The following ACTR3C variants were observed in gnomAD, a reference collection of about 807,000 sequenced individuals.
ACTR3C encodes the protein actin related protein 3C.
ACTR3C carries 18 observed loss-of-function variants against 26.3 expected under a neutral mutation model. That is an observed-to-expected ratio of 0.68 (90% CI 0.47 to 1.01). The LOEUF (loss-of-function observed/expected upper bound fraction) is 1.01, where lower values mean the gene tolerates loss of function less well. Ranked by LOEUF, ACTR3C falls within the 50% of genes least tolerant of loss-of-function variation. The pLI, the probability that ACTR3C is intolerant of heterozygous loss-of-function variation, is 0.00. For synonymous variants in ACTR3C, 55 were observed against 94.5 expected, an observed-to-expected ratio of 0.58 and a Z score of 2.42; for missense variants, 184 against 250.7, an observed-to-expected ratio of 0.73 and a Z score of 1.80.
chr7:150,212,795 G>T, the ACTR3C span, among the ~76,000 whole-genome samples: 1 of 152,186 alleles, frequency 6.6e-6, no homozygotes, highest in East Asian at 1.9e-4. Flanking sequence ...TGCTCAGATG[G>T]AGAAGATGAA....
chr7:150,180,705 G>T, the ACTR3C span, among the ~76,000 whole-genome samples: 2 of 149,072 alleles, frequency 1.3e-5, no homozygotes, highest in Non-Finnish European at 2.9e-5. Context: ...TAGAGACGGG[G>T]TTTCACGTGT....
chr7:149,969,228 T>C, the ACTR3C span, among the ~76,000 whole-genome samples: 146,089 of 151,948 alleles, frequency 0.96, 70,408 homozygotes, highest in Non-Finnish European at 0.99. Flanking sequence ...TGGGAAACAA[T>C]GCCATTGGAA....
At chr7:149,908,294 A>G in the ACTR3C span, among the ~76,000 whole-genome samples, 3 of 152,208 alleles carry the variant, frequency 2.0e-5, no homozygotes, top group Admixed American at 6.5e-5. Context: ...TGGCAGCCCA[A>G]GCACACTAAG....
the ACTR3C span, among the ~76,000 whole-genome samples, chr7:150,066,303 A>G: frequency 6.6e-6 from 1 of 152,242 alleles, no homozygotes; most frequent in Non-Finnish European, 1.5e-5. Flanking sequence ...TGAGCATCAG[A>G]GGCTCCACAT....
At chr7:150,083,746 C>T in the ACTR3C span, among the ~76,000 whole-genome samples, 2 of 152,172 alleles carry the variant, frequency 1.3e-5, no homozygotes, top group African/African-American at 2.4e-5. Context: ...TCCTTCATTG[C>T]TCCTTGCCCA....
the ACTR3C span, among the ~76,000 whole-genome samples, chr7:150,016,684 C>T: frequency 6.6e-6 from 1 of 152,044 alleles, no homozygotes. Context: ...GGAGGTATGA[C>T]CTTGGGTGGC....
chr7:150,113,748 T>C, the ACTR3C span, among the ~76,000 whole-genome samples: 1 of 152,226 alleles, frequency 6.6e-6, no homozygotes, highest in Non-Finnish European at 1.5e-5. Context: ...AATTTTTAAA[T>C]GCTTACTTTC....
chr7:150,151,895 T>G, the ACTR3C span, among the ~76,000 whole-genome samples: 1 of 138,288 alleles, frequency 7.2e-6, no homozygotes, highest in Non-Finnish European at 1.6e-5. Context: ...TAAAAAAAAT[T>G]TCCTCACCAG....
intron 6 of ACTR3C, among the ~76,000 whole-genome samples, chr7:150,249,629 G>A (rs1160725830): frequency 6.6e-6 from 1 of 151,920 alleles, no homozygotes; most frequent in African/African-American, 2.4e-5. Context: ...AATTTTCTGT[G>A]TTTTTAGTAG....
the ACTR3C span, among the ~76,000 whole-genome samples, chr7:150,224,795 T>C: frequency 2.0e-5 from 3 of 152,366 alleles, no homozygotes; most frequent in South Asian, 2.1e-4. Context: ...TTTGCATACA[T>C]TTTTAACATT....
chr7:149,959,819 T>C, the ACTR3C span, among the ~76,000 whole-genome samples: 1 of 152,206 alleles, frequency 6.6e-6, no homozygotes, highest in Non-Finnish European at 1.5e-5. Context: ...TTCATAAGAA[T>C]GTCCCCCTAA....
the ACTR3C span, among the ~76,000 whole-genome samples, chr7:150,112,998 T>C: frequency 6.6e-6 from 1 of 152,146 alleles, no homozygotes; most frequent in Admixed American, 6.5e-5. Flanking sequence ...TGCCATTTTA[T>C]TTATGCTGCA....
the ACTR3C span, among the ~76,000 whole-genome samples, chr7:150,207,891 G>T: frequency 1.3e-5 from 2 of 149,614 alleles, no homozygotes; most frequent in Non-Finnish European, 2.9e-5. Flanking sequence ...TACATTTTAG[G>T]CCCATTTTAT....
the ACTR3C span, among the ~76,000 whole-genome samples, chr7:150,104,650 T>C: frequency 6.6e-6 from 1 of 151,590 alleles, no homozygotes; most frequent in African/African-American, 2.4e-5. Context: ...GAATGAGACA[T>C]TGGATTTACT....
At chr7:149,930,333 G>T in the ACTR3C span, among the ~76,000 whole-genome samples, 2 of 152,144 alleles carry the variant, frequency 1.3e-5, no homozygotes, top group African/African-American at 4.8e-5. Context: ...GATATAAAAG[G>T]ATATGATCTC....
At chr7:150,163,887 G>A in the ACTR3C span, among the ~76,000 whole-genome samples, 3 of 152,160 alleles carry the variant, frequency 2.0e-5, no homozygotes, top group Admixed American at 6.5e-5. Flanking sequence ...CTGAGTCCAC[G>A]AATTCAAATG....
intron 6 of ACTR3C, among the ~76,000 whole-genome samples, chr7:150,255,814 A>T (rs1833179374): frequency 6.6e-6 from 1 of 152,244 alleles, no homozygotes; most frequent in African/African-American, 2.4e-5. Flanking sequence ...TTACTCATTG[A>T]TTAAGAAATA....
At chr7:150,043,619 G>A in the ACTR3C span, among the ~76,000 whole-genome samples, 1 of 152,220 alleles carries the variant, frequency 6.6e-6, no homozygotes, top group African/African-American at 2.4e-5. Context: ...GGGCAACATT[G>A]CAACTCTCCA....
the ACTR3C span, among the ~76,000 whole-genome samples, chr7:149,907,952 T>C: frequency 1.1e-4 from 16 of 151,930 alleles, no homozygotes; most frequent in African/African-American, 3.9e-4. Context: ...GACTGAACCA[T>C]GTCCCCACAG....
Sources: gnomAD v4.1 joint callset for allele counts (sites outside exome capture counted in the v4.1 genomes callset) on GRCh38, gnomAD v4.1.1 for gene constraint, MANE v1.5 for transcripts, NCBI Gene and HGNC (gene_info 2026-07-23, HGNC 2026-07-21) for gene names.